PCDHGA2: variants seen among roughly 807,000 people sequenced by gnomAD.
PCDHGA2 encodes protocadherin gamma subfamily A, 2.
In PCDHGA2, 40 loss-of-function variants were observed where a neutral mutation model predicts 59.2. That is an observed-to-expected ratio of 0.68 (90% CI 0.52 to 0.88). The LOEUF is 0.88. Among genes scored for constraint, PCDHGA2 ranks in the 40% least tolerant of loss-of-function variants. The pLI is 0.00. For synonymous variants in PCDHGA2, 560 were observed against 526.0 expected, an observed-to-expected ratio of 1.06 and a Z score of -0.89; for missense variants, 1,226 against 1,204.0, an observed-to-expected ratio of 1.02 and a Z score of -0.27.
chr5:141,398,576 C>T (rs1257000620), intron 1 of PCDHGA2: 4 of 1,613,968 alleles, frequency 2.5e-6, no homozygotes, highest in Non-Finnish European at 1.7e-6. Flanking sequence ...CAGCCTGGCA[C>T]AAGATTTATA....
chr5:141,374,644 T>C (rs767129187), intron 1 of PCDHGA2: 85 of 1,612,642 alleles, frequency 5.3e-5, no homozygotes, highest in Middle Eastern at 3.3e-4. Context: ...GCGAAGCCCA[T>C]GGGCCCAAGT....
At position 141,338,987 on chromosome 5, in the gene PCDHGA2, A is replaced by C. The variant is rs369131347; in HGVS notation, c.16A>C (p.Lys6Gln). 33 of 1,541,148 alleles carry C rather than the reference A, an allele frequency of 2.1e-5. No homozygotes were observed. The highest frequency in any genetic ancestry group is 2.6e-5 in the Non-Finnish European group (30 of 1,143,360). The change falls in exon 1 of 4, where the codon AAG (lysine) becomes CAG (glutamine). Residue 6 changes from lysine to glutamine, a missense_variant. Lys to Gln is a moderately conservative substitution (Grantham distance 53). Transcript: ENST00000394576. MAALQ[K>Q]LPHCRKLVLL... ...CAGGAGGGAAATGGCGGCTCTGCAA[A>C]AGTTGCCACACTGCAGAAAGCTGGT...
intron 1 of PCDHGA2, among the ~76,000 whole-genome samples, chr5:141,484,544 A>G (rs1160398392): frequency 6.6e-6 from 1 of 152,144 alleles, no homozygotes; most frequent in Non-Finnish European, 1.5e-5. Flanking sequence ...CAGTGGTTCT[A>G]ATTAGCAGTT....
chr5:141,433,358 C>T (rs974347696), intron 1 of PCDHGA2: 20 of 503,934 alleles, frequency 4.0e-5, no homozygotes, highest in African/African-American at 3.1e-4. Flanking sequence ...CTACTGTCTG[C>T]CTATCTATCT....
intron 1 of PCDHGA2, among the ~76,000 whole-genome samples, chr5:141,456,968 A>AAAAC (rs202005606): frequency 1.3e-4 from 20 of 152,282 alleles, no homozygotes; most frequent in Middle Eastern, 3.4e-3. Flanking sequence ...ATCTCAAAAC[A>AAAAC]AAACAAACAA....
In PCDHGA2 at chr5:141,432,452, C is replaced by T. The variant is rs780149710; in HGVS notation, c.2425-62355C>T. 3.7e-6 allele frequency: 6 copies of T among 1,614,094 alleles called. No homozygotes were observed. The highest frequency in any genetic ancestry group is 1.6e-4 in the Middle Eastern group (1 of 6,082). On this transcript the variant is annotated intron_variant, in intron 1 of 3. Coordinates refer to ENST00000394576, the MANE Select transcript of PCDHGA2 (RefSeq NM_018915.4). The surrounding 1 kb of genome is among the most constrained non-coding windows in gnomAD (Gnocchi z 6.0). ...CGACAATGCGCCCGAGATCCTGTACCCCGCCCTCCCCACGGACGGTTCCAC... is the reference window on the plus strand; with the variant it reads ...CGACAATGCGCCCGAGATCCTGTACTCCGCCCTCCCCACGGACGGTTCCAC...
intron 1 of PCDHGA2, chr5:141,357,359 AC>A: frequency 1.2e-6 from 2 of 1,614,134 alleles, no homozygotes; most frequent in Non-Finnish European, 1.7e-6. Flanking sequence ...AGACGCTGGC[AC>A]AAGTCACGCC....
intron 1 of PCDHGA2, among the ~76,000 whole-genome samples, chr5:141,454,195 T>A (rs1295815862): frequency 1.3e-5 from 2 of 152,136 alleles, no homozygotes; most frequent in Admixed American, 1.3e-4. Flanking sequence ...TTAGTGAAGG[T>A]GAATTTATTG....
Position 141,409,297 on chromosome 5 carries a change from T to TGTGAATG in PCDHGA2, c.2424+67904_2424+67905insGAATGGT, listed in dbSNP as rs774936669. On this transcript the variant is annotated intron_variant, in intron 1 of 3. Transcript: ENST00000394576. ...TGGAGAATTCACCTCCAGGAATGGT[T>TGTGAATG]GTTGCCCTCTTCAAAACACGGGATC... The TGTGAATG allele has an allele frequency of 1.3e-5, 21 of 1,613,888 alleles. No homozygotes were observed. In the African/African-American group the frequency reaches 2.7e-4, roughly 21 times the overall value.
chr5:141,349,468 A>C (rs1457448443), intron 1 of PCDHGA2, among the ~76,000 whole-genome samples: 1 of 152,214 alleles, frequency 6.6e-6, no homozygotes, highest in Admixed American at 6.5e-5. Context: ...GTGTACCCCA[A>C]CACTAAATTG....
chr5:141,404,948 G>C, intron 1 of PCDHGA2: 2 of 1,613,956 alleles, frequency 1.2e-6, no homozygotes, highest in Non-Finnish European at 1.7e-6. Context: ...AGCCATAGCT[G>C]ACAGCATCCC....
chr5:141,400,003 C>T, intron 1 of PCDHGA2: 5 of 1,612,396 alleles, frequency 3.1e-6, no homozygotes, highest in Non-Finnish European at 4.2e-6. Flanking sequence ...GCGCACAGCG[C>T]GTGCCTTGGG....
At chr5:141,355,439 G>A (rs758590718) in intron 1 of PCDHGA2, 48 of 1,613,990 alleles carry the variant, frequency 3.0e-5, no homozygotes, top group Non-Finnish European at 3.9e-5. Flanking sequence ...CTGAACCCGC[G>A]CAGCGGCACC....
At chr5:141,382,787 T>A in intron 1 of PCDHGA2, 1 of 906,454 alleles carries the variant, frequency 1.1e-6, no homozygotes, top group Non-Finnish European at 1.7e-6. Context: ...CTCAAGCCTC[T>A]ATCCTGCTGG....
At chr5:141,372,991 G>T (rs758452366) in intron 1 of PCDHGA2, among the ~76,000 whole-genome samples, 6 of 152,158 alleles carry the variant, frequency 3.9e-5, no homozygotes, top group Admixed American at 2.0e-4. Context: ...TGTTGCAGTT[G>T]TTCTTTCATA....
intron 1 of PCDHGA2, chr5:141,397,868 A>T (rs1331188362): frequency 1.4e-5 from 8 of 573,128 alleles, no homozygotes; most frequent in Non-Finnish European, 2.1e-5. Context: ...CCTAGTGCTG[A>T]CTCTGGGCGC....
At chr5:141,353,365 T>A (rs1050829838) in intron 1 of PCDHGA2, among the ~76,000 whole-genome samples, 1 of 152,252 alleles carries the variant, frequency 6.6e-6, no homozygotes, top group African/African-American at 2.4e-5. Flanking sequence ...ATGTAATTGA[T>A]GTAATTATGT....
chr5:141,506,207 TTGGGAAGCTGAG>T (rs1487107822), intron 3 of PCDHGA2, among the ~76,000 whole-genome samples: 1 of 152,020 alleles, frequency 6.6e-6, no homozygotes, highest in Non-Finnish European at 1.5e-5. Flanking sequence ...TCCCAGCACT[TTGGGAAGCTGAG>T]GCAGGAGGAT....
chr5:141,350,993 A>G lies in PCDHGA2; in HGVS notation c.2424+9598A>G, dbSNP rs762657865. 9.3e-6 allele frequency: 15 copies of G among 1,614,092 alleles called. No homozygotes were observed. In the South Asian group the frequency reaches 1.2e-4, roughly 13 times the overall value. The stretch of plus-strand genomic sequence containing the variant: ...TCCCGTGTTTAGCCAGGAGGTATAC[A>G]GGGTTAGCCTCCAAGAAAACGTACC... On this transcript the variant is annotated intron_variant, in intron 1 of 3. Transcript: ENST00000394576.
Sources: allele counts gnomAD v4.1 joint callset (sites outside exome capture counted in the v4.1 genomes callset), GRCh38; gene constraint gnomAD v4.1.1; non-coding constraint Gnocchi (gnomAD v3.1); transcripts MANE v1.5; gene names NCBI Gene and HGNC (gene_info 2026-07-23, HGNC 2026-07-21).